RUNDC1: variants seen among roughly 807,000 people sequenced by gnomAD.
RUNDC1 encodes the protein RUN domain-containing protein 1.
A neutral mutation model predicts 49.3 loss-of-function variants in RUNDC1; 31 were observed. The ratio of observed to expected loss-of-function variants is 0.63; its 90% CI spans 0.47 to 0.85. RUNDC1 has a LOEUF of 0.85. RUNDC1 is among the 40% of genes least tolerant of loss of function. RUNDC1 has a pLI of 0.00. For synonymous variants in RUNDC1, 347 were observed against 348.6 expected (o/e 1.00, Z 0.05); for missense variants, 715 against 806.7 (o/e 0.89, Z 1.38).
intron 3 of RUNDC1, 34 bp downstream of exon 3, chr17:42,989,573 A>G (rs1396628889): frequency 6.4e-7 from 1 of 1,569,170 alleles, no homozygotes; most frequent in South Asian, 1.1e-5. Context: ...AAGGGTGGAC[A>G]GGTGTCATAA....
intron 1 of RUNDC1, among the ~76,000 whole-genome samples, chr17:42,983,984 C>T (rs1346515115): frequency 2.7e-5 from 4 of 150,752 alleles, no homozygotes; most frequent in African/African-American, 4.9e-5. Flanking sequence ...GTGCCCGGCC[C>T]TAAATTTTTA....
chr17:42,991,129 A>G lies in RUNDC1; in HGVS notation c.1255A>G (p.Lys419Glu). 1.9e-6 allele frequency: 3 copies of G among 1,614,208 alleles called. No homozygotes were observed. The highest frequency in any genetic ancestry group is 2.5e-6 in the Non-Finnish European group (3 of 1,180,026). Residue 419 changes from lysine to glutamate, a missense_variant, in exon 5 of 5, where the codon AAG becomes GAG. By Grantham distance (56) the Lys-to-Glu change is moderately conservative. Around this residue, in one of 5 missense-constraint regions of RUNDC1, gnomAD observed 425 missense variants for 499.7 expected, o/e 0.85. Transcript: ENST00000361677. ...CCTCCAGGACCTCTCTCTGGGAGGC[A>G]AGGATGAGCTGACTATGGCTGTGCG... ...ANLQDLSLGG[K>E]DELTMAVRKE...
chr17:42,985,666 G>A (rs185661922), intron 1 of RUNDC1: 10,517 of 898,048 alleles, frequency 0.012, 81 homozygotes, highest in Non-Finnish European at 0.013. Context: ...GGTAAGTACC[G>A]TTTTAAGGTT....
At chr17:42,983,263 T>C (rs1354773492) in intron 1 of RUNDC1, among the ~76,000 whole-genome samples, 3 of 148,882 alleles carry the variant, frequency 2.0e-5, no homozygotes, top group Admixed American at 1.3e-4. Flanking sequence ...CAAGTTGTAA[T>C]CTTGTATTTA....
intron 1 of RUNDC1, among the ~76,000 whole-genome samples, chr17:42,984,780 CA>C (rs56188477): frequency 0.93 from 142,219 of 152,106 alleles, 67,241 homozygotes; most frequent in East Asian, 1. Flanking sequence ...AGAACAAAAA[CA>C]AAAGACTTTT....
At position 42,995,097 on chromosome 17, in the gene RUNDC1, A is replaced by G. The variant is rs116046045; in HGVS notation, c.*3381A>G. ...GTCTAGCAAAGGAGATACCATACCA[A>G]TTGGAGATTTGGAGAGACTGTTAAA... On this transcript the variant is annotated 3_prime_UTR_variant, in exon 5 of 5. Coordinates refer to ENST00000361677, the MANE Select transcript of RUNDC1 (RefSeq NM_173079.5). Among the ~76,000 whole-genome samples, 139 of 85,124 alleles carry G rather than the reference A, an allele frequency of 1.6e-3. No homozygotes were observed. Among genetic ancestry groups the G allele is most frequent in the African/African-American group, 4.6e-3 (127 of 27,496 alleles). 55.8% of individuals were successfully genotyped at this position (85,124 alleles called of 152,430 possible). A position where few individuals can be genotyped will look rare whatever the true frequency, so the allele number is the denominator to read the frequency against.
At position 42,987,368 on chromosome 17, in the gene RUNDC1, G is replaced by A; in HGVS notation, c.611G>A (p.Gly204Asp). Residue 204 changes from glycine (G) to aspartate (D), a missense_variant, in exon 2 of 5, where the codon GGC (glycine) becomes GAC (aspartate). Transcript: ENST00000361677. ...DDLETFAYQE[G>D]SYDSLPQSVV... ...CTGGAAACGTTTGCCTATCAAGAGG[G>A]CAGTTATGACTCGCTGCCACAGTCC... 1 of 1,614,172 alleles carries A rather than the reference G, an allele frequency of 6.2e-7. No homozygotes were observed. Among genetic ancestry groups the A allele is most frequent in the Non-Finnish European group, 8.5e-7 (1 of 1,180,028 alleles).
chr17:42,986,521 G>A (rs1287510723), intron 1 of RUNDC1, among the ~76,000 whole-genome samples: 6 of 151,306 alleles, frequency 4.0e-5, no homozygotes, highest in Non-Finnish European at 7.4e-5. Flanking sequence ...TTTTTGAGAC[G>A]GAGTCTCGCT....
chr17:42,987,879 A>G (rs2050190560), intron 2 of RUNDC1, among the ~76,000 whole-genome samples: 1 of 151,996 alleles, frequency 6.6e-6, no homozygotes, highest in Non-Finnish European at 1.5e-5. Context: ...CAGCCTCCCA[A>G]GTAACTGGGA....
At position 42,981,077 on chromosome 17, in the gene RUNDC1, G is replaced by C. The variant is rs537037839; in HGVS notation, c.498+3G>C. Reference sequence around the variant, plus strand: ...CATGGTTGCGGGGCGAGGACCAGGTGAGTGGCTGGAGCCGGGCCGCGAGGA... The same window carrying C: ...CATGGTTGCGGGGCGAGGACCAGGTCAGTGGCTGGAGCCGGGCCGCGAGGA... On this transcript the variant is annotated splice_donor_region_variant and intron_variant, in intron 1 of 4. Transcript: ENST00000361677. 3.2e-6 allele frequency: 5 copies of C among 1,560,944 alleles called. No homozygotes were observed. Among genetic ancestry groups the C allele is most frequent in the Non-Finnish European group, 4.3e-6 (5 of 1,161,708 alleles).
Position 42,991,285 on chromosome 17 carries a change from C to G in RUNDC1, c.1411C>G (p.His471Asp), listed in dbSNP as rs1567733237. ...PAFSSAPEAM[H>D]PWELFVKYYH... is the part of the protein sequence containing the mutation. ...CTTCTCCTCGGCCCCAGAGGCCATG[C>G]ACCCGTGGGAGCTCTTTGTAAAGTA... The change falls in exon 5 of 5, where the codon CAC becomes GAC. Residue 471 changes from histidine (H) to aspartate (D), a missense_variant. By Grantham distance (81) the His-to-Asp change is moderately conservative. This residue lies in a region of RUNDC1 where 425 missense variants were observed against 499.7 expected (regional missense o/e 0.85). Coordinates refer to ENST00000361677, the MANE Select transcript of RUNDC1 (RefSeq NM_173079.5). 2 of 1,614,204 alleles carry G rather than the reference C, an allele frequency of 1.2e-6. No homozygotes were observed. The highest frequency in any genetic ancestry group is 1.7e-6 in the Non-Finnish European group (2 of 1,180,034).
intron 1 of RUNDC1, among the ~76,000 whole-genome samples, chr17:42,985,487 T>C (rs1430092681): frequency 6.6e-6 from 1 of 152,152 alleles, no homozygotes; most frequent in Non-Finnish European, 1.5e-5. Flanking sequence ...GCAACTGCGC[T>C]CTGAAAGGAT....
In RUNDC1 at chr17:42,980,588, C is replaced by T. The variant is rs1319305731; in HGVS notation, c.12C>T (p.Val4=). The change falls in exon 1 of 5, where the codon GTC becomes GTT. Residue 4 remains valine, a synonymous_variant. Transcript: ENST00000361677. ...GTGTTTCCGGGAAGATGGCGGCTGT[C>T]GAAGCGGCTGCAGAGCCGGTAACGG... MAA[V]EAAAEPVTVV... The T allele has an allele frequency of 5.0e-6, 8 of 1,609,200 alleles. No individual in the cohort carries two copies. The highest frequency in any genetic ancestry group is 2.2e-5 in the East Asian group (1 of 44,766).
chr17:42,981,065 C>G lies in RUNDC1; in HGVS notation c.489C>G (p.Gly163=). ...CAGGGGACCGGCCATGGTTGCGGGGCGAGGACCAGGTGAGTGGCTGGAGCC... is the reference window on the plus strand; with the variant it reads ...CAGGGGACCGGCCATGGTTGCGGGGGGAGGACCAGGTGAGTGGCTGGAGCC... ...GLPGDRPWLR[G]EDQSEQEKQE... is the part of the protein sequence containing the mutation. The change falls in exon 1 of 5, where the codon GGC becomes GGG. Residue 163 remains glycine, a synonymous_variant. Transcript: ENST00000361677. The G allele has an allele frequency of 6.4e-7, 1 of 1,563,802 alleles. No individual in the cohort carries two copies. The highest frequency in any genetic ancestry group is 1.1e-5 in the South Asian group (1 of 86,960).
Position 42,991,781 on chromosome 17 carries a change from A to G in RUNDC1, c.*65A>G. Reference sequence around the variant, plus strand: ...GGGATAGATGTGCTAGTCTTCTAGCATAGGAGCAAGGAATCAGAGGTGGGG... The same window carrying G: ...GGGATAGATGTGCTAGTCTTCTAGCGTAGGAGCAAGGAATCAGAGGTGGGG... On this transcript the variant is annotated 3_prime_UTR_variant, in exon 5 of 5. Transcript: ENST00000361677. The G allele has an allele frequency of 1.3e-6, 2 of 1,510,434 alleles. No homozygotes were observed. The highest frequency in any genetic ancestry group is 2.3e-5 in the East Asian group (1 of 44,190). The allele number at this position is 1,510,434 out of a possible 1,614,324, so 93.6% of individuals were successfully genotyped here.
Position 42,993,592 on chromosome 17 carries a change from G to A in RUNDC1, c.*1876G>A, listed in dbSNP as rs2050273222. On this transcript the variant is annotated 3_prime_UTR_variant, in exon 5 of 5. Transcript: ENST00000361677. The stretch of plus-strand genomic sequence containing the variant: ...TGCTAATGAAATCATAGTATTTTGT[G>A]TAGCTTCTCTGAAGACCTTAGAGAT... 2 of 152,190 alleles carry A rather than the reference G, an allele frequency of 1.3e-5. No homozygotes were observed. Among genetic ancestry groups the A allele is most frequent in the Non-Finnish European group, 2.9e-5 (2 of 68,040 alleles). The allele number at this position is 152,190 out of a possible 1,614,324, so 9.4% of individuals were successfully genotyped here.
chr17:42,980,624 T>C lies in RUNDC1; in HGVS notation c.48T>C (p.Ala16=). The change falls in exon 1 of 5, where the codon GCT becomes GCC. Residue 16 remains alanine, a synonymous_variant. Coordinates refer to ENST00000361677, the MANE Select transcript of RUNDC1 (RefSeq NM_173079.5). ...AAAEPVTVVA[A]VGPKAKDEEE... ...CAGAGCCGGTAACGGTGGTGGCGGC[T>C]GTTGGGCCAAAGGCGAAAGACGAAG... is the stretch of plus-strand genomic sequence containing the variant. 1.2e-6 allele frequency: 2 copies of C among 1,608,098 alleles called. No homozygotes were observed. Among genetic ancestry groups the C allele is most frequent in the Non-Finnish European group, 1.7e-6 (2 of 1,178,818 alleles).
In RUNDC1 at chr17:42,980,907, G is replaced by GT. The variant is rs1401282995; in HGVS notation, c.332dup (p.Val112GlyfsTer39). 6.5e-7 allele frequency: 1 copy of GT among 1,529,664 alleles called. No individual in the cohort carries two copies. The highest frequency in any genetic ancestry group is 1.4e-5 in the African/African-American group (1 of 72,224). 94.8% of individuals were successfully genotyped at this position (1,529,664 alleles called of 1,614,324 possible). A position where few individuals can be genotyped will look rare whatever the true frequency, so the allele number is the denominator to read the frequency against. On this transcript the variant is annotated frameshift_variant, in exon 1 of 5. Transcript: ENST00000361677. LOFTEE classifies it high-confidence loss of function. The stretch of plus-strand genomic sequence containing the variant: ...GCAGGTGCAGTTCCGCCTGCGCCAG[G>GT]TGGTGCGCGGGGCGCCGGCGGAGCA...
chr17:42,982,942 G>A lies in RUNDC1; in HGVS notation c.498+1868G>A, dbSNP rs1659147030. Among the ~76,000 whole-genome samples the A allele has an allele frequency of 3.3e-5, 5 of 150,994 alleles. No homozygotes were observed. The South Asian group carries it at 6.3e-4, about 19-fold the overall frequency. ...GCAGAGGTTGCGGTGAGCCAAGATCGTGCCATCGCACCCCAGCCTGGGGCA... is the reference window on the plus strand; with the variant it reads ...GCAGAGGTTGCGGTGAGCCAAGATCATGCCATCGCACCCCAGCCTGGGGCA... On this transcript the variant is annotated intron_variant, in intron 1 of 4. Coordinates refer to ENST00000361677, the MANE Select transcript of RUNDC1 (RefSeq NM_173079.5).
Sources: gnomAD v4.1 joint callset for allele counts (sites outside exome capture counted in the v4.1 genomes callset) on GRCh38, gnomAD v4.1.1 for gene constraint, gnomAD v4.1.1 regional missense constraint, MANE v1.5 for transcripts, NCBI Gene and HGNC (gene_info 2026-07-23, HGNC 2026-07-21) for gene names.